The following CCDC125 variants were observed in gnomAD, a reference collection of about 807,000 sequenced individuals.
The protein encoded by CCDC125 is coiled-coil domain-containing protein 125.
A neutral mutation model predicts 57.4 loss-of-function variants in CCDC125; 43 were observed. The observed-to-expected ratio is 0.75, with a 90% confidence interval of 0.59 to 0.97. CCDC125 has a LOEUF of 0.97. Ranked by LOEUF, CCDC125 falls within the 50% of genes least tolerant of loss-of-function variation. The probability of loss-of-function intolerance (pLI) is 0.00; values close to 1 mark genes in which losing one functional copy is unlikely to be tolerated. For synonymous variants in CCDC125, 187 were observed against 195.2 expected (o/e 0.96, Z 0.35); for missense variants, 563 against 595.7 (o/e 0.95, Z 0.57).
At chr5:69,312,727 C>T (rs911496098) in intron 3 of CCDC125, among the ~76,000 whole-genome samples, 7 of 152,138 alleles carry the variant, frequency 4.6e-5, no homozygotes, top group African/African-American at 2.4e-5. Context: ...GGATAAGAAA[C>T]AGAGGAGGCC....
intron 7 of CCDC125, 149 bp from the exon 8 acceptor site, chr5:69,300,276 TAGTG>T (rs1281326375): frequency 6.3e-6 from 4 of 631,790 alleles, no homozygotes; most frequent in Non-Finnish European, 1.1e-5. Context: ...TCTGATAGAA[TAGTG>T]AGTATCACGT....
At chr5:69,322,819 C>G (rs921996149) in intron 1 of CCDC125, among the ~76,000 whole-genome samples, 2 of 151,474 alleles carry the variant, frequency 1.3e-5, no homozygotes, top group Non-Finnish European at 2.9e-5. Flanking sequence ...CCTTGGCCTC[C>G]CAAAGTGCTG....
rs70992918 is a variant in CCDC125 at position 69,302,420 on chromosome 5, CAAAAAAAAAA to C, written c.700+1417_700+1426del. Among the ~76,000 whole-genome samples the C allele has an allele frequency of 2.9e-4, 9 of 30,740 alleles. No homozygotes were observed. In the East Asian group the frequency reaches 9.1e-3, roughly 31 times the overall value. The allele number at this position is 30,740 out of a possible 152,430, so 20.2% of individuals were successfully genotyped here. A position where few individuals can be genotyped will look rare whatever the true frequency, so the allele number is the denominator to read the frequency against. ...TGGGCAACAGAGTGAGACTCCATCTCAAAAAAAAAAAAAAAAAAAAAAAGGCCAGTCGCGG... is the reference window on the plus strand; with the variant it reads ...TGGGCAACAGAGTGAGACTCCATCTCAAAAAAAAAAAAAGGCCAGTCGCGG... On this transcript the variant is annotated intron_variant, in intron 7 of 11. Coordinates refer to ENST00000396496, the MANE Select transcript of CCDC125 (RefSeq NM_176816.5).
chr5:69,310,971 T>C (rs1758033255), intron 4 of CCDC125, 147 bp downstream of exon 4: 3 of 472,152 alleles, frequency 6.4e-6, no homozygotes, highest in Middle Eastern at 6.0e-4. Context: ...CTTCAGGATA[T>C]ATAAATTATA....
intron 1 of CCDC125, among the ~76,000 whole-genome samples, chr5:69,330,886 A>G (rs1005582191): frequency 3.3e-5 from 5 of 152,122 alleles, no homozygotes; most frequent in African/African-American, 9.7e-5. Flanking sequence ...GCCAACCTAC[A>G]TACTGCTGCC....
At chr5:69,299,537 G>A (rs6881494) in intron 8 of CCDC125, among the ~76,000 whole-genome samples, 1 of 152,162 alleles carries the variant, frequency 6.6e-6, no homozygotes, top group African/African-American at 2.4e-5. Context: ...TGCACCAGCA[G>A]ATTTTTGTTC....
chr5:69,289,535 A>C (rs1754055998), intron 10 of CCDC125, among the ~76,000 whole-genome samples: 1 of 152,188 alleles, frequency 6.6e-6, no homozygotes, highest in Non-Finnish European at 1.5e-5. Context: ...GAAAATGACC[A>C]TATTATCTAA....
rs1471094336 is a variant in CCDC125 at position 69,311,212 on chromosome 5, C to T, written c.367-8G>A. ...TTTTAACATTTCTACCTCCTGAGGA[C>T]AGAAAGAAAATTAGTCTTCCTATCT... On this transcript the variant is annotated splice_region_variant and splice_polypyrimidine_tract_variant and intron_variant, in intron 3 of 11. Transcript: ENST00000396496. 1 of 1,571,842 alleles carries T rather than the reference C, an allele frequency of 6.4e-7. No individual in the cohort carries two copies. The highest frequency in any genetic ancestry group is 8.7e-7 in the Non-Finnish European group (1 of 1,145,248).
At chr5:69,283,427 T>G (rs112065490) in intron 11 of CCDC125, among the ~76,000 whole-genome samples, 34 of 152,092 alleles carry the variant, frequency 2.2e-4, no homozygotes, top group East Asian at 9.7e-4. Context: ...TCACTGTGTT[T>G]GCCAGGATGG....
intron 10 of CCDC125, among the ~76,000 whole-genome samples, chr5:69,287,300 G>A (rs1250625947): frequency 8.0e-6 from 1 of 124,562 alleles, no homozygotes; most frequent in African/African-American, 3.0e-5. Flanking sequence ...TCTCGCTTTT[G>A]TCGCCCAGGC....
the CCDC125 span, among the ~76,000 whole-genome samples, chr5:69,274,988 C>T: frequency 3.3e-4 from 49 of 148,358 alleles, no homozygotes; most frequent in African/African-American, 1.1e-3. Context: ...CATGTGAACC[C>T]GGGAGGTGGA....
At chr5:69,288,134 C>T (rs182261501) in intron 10 of CCDC125, among the ~76,000 whole-genome samples, 16 of 152,252 alleles carry the variant, frequency 1.1e-4, no homozygotes, top group African/African-American at 3.9e-4. Context: ...TCCTAACACA[C>T]AATTCTTAAG....
rs1753157703 is a variant in CCDC125, at chr5:69,285,324, C to G, written c.1230+13G>C. 1.2e-6 allele frequency: 2 copies of G among 1,608,786 alleles called. No individual in the cohort carries two copies. Among genetic ancestry groups the G allele is most frequent in the African/African-American group, 2.7e-5 (2 of 74,582 alleles). ...CTTAACCATAACCTGCAAAAAAAAG[C>G]AAAGACACTAACCAAATCTATGAGC... On this transcript the variant is annotated intron_variant, in intron 11 of 11. Coordinates refer to ENST00000396496, the MANE Select transcript of CCDC125 (RefSeq NM_176816.5).
chr5:69,297,349 ATT>A (rs965131778), intron 8 of CCDC125, among the ~76,000 whole-genome samples: 4 of 150,660 alleles, frequency 2.7e-5, no homozygotes, highest in African/African-American at 9.8e-5. Context: ...CCTGTGCCAT[ATT>A]TATTTATTTA....
chr5:69,307,190 G>A (rs985337001), intron 5 of CCDC125, among the ~76,000 whole-genome samples: 5 of 151,836 alleles, frequency 3.3e-5, no homozygotes, highest in African/African-American at 1.2e-4. Context: ...GCCCACCTCC[G>A]CTGCATGTAG....
chr5:69,294,421 C>T (rs758260900), intron 9 of CCDC125, among the ~76,000 whole-genome samples: 2 of 152,032 alleles, frequency 1.3e-5, no homozygotes, highest in African/African-American at 2.4e-5. Context: ...GATTCTCCTG[C>T]CTCAGCCTCC....
intron 2 of CCDC125, among the ~76,000 whole-genome samples, chr5:69,315,774 A>AAAG (rs1554082515): frequency 1.5e-3 from 210 of 141,468 alleles, no homozygotes; most frequent in Admixed American, 4.2e-3. Context: ...AAAAAAAAAA[A>AAAG]AAAAGAAACC....
intron 3 of CCDC125, among the ~76,000 whole-genome samples, 183 bp from the exon 4 acceptor site, chr5:69,311,387 T>C (rs989907059): frequency 6.6e-5 from 10 of 152,144 alleles, no homozygotes; most frequent in Admixed American, 3.9e-4. Flanking sequence ...CAAGGTGGTG[T>C]GACCTGTAAT....
intron 1 of CCDC125, among the ~76,000 whole-genome samples, chr5:69,328,731 A>C (rs949046203): frequency 6.6e-6 from 1 of 151,962 alleles, no homozygotes; most frequent in Admixed American, 6.6e-5. Flanking sequence ...TCTACAGCTG[A>C]TTCTGTACTA....
Sources: allele counts gnomAD v4.1 joint callset (sites outside exome capture counted in the v4.1 genomes callset), GRCh38; gene constraint gnomAD v4.1.1; transcripts MANE v1.5; gene names NCBI Gene and HGNC (gene_info 2026-07-23, HGNC 2026-07-21).